RMND5A: variants seen among roughly 807,000 people sequenced by gnomAD.
The protein encoded by RMND5A is E3 ubiquitin-protein transferase RMND5A.
RMND5A carries 17 observed loss-of-function variants against 49.7 expected under a neutral mutation model. The observed-to-expected ratio is 0.34, with a 90% CI of 0.23 to 0.51. The LOEUF (loss-of-function observed/expected upper bound fraction) is 0.51. RMND5A is among the 20% of genes least tolerant of loss of function. RMND5A has a pLI of 0.96. For synonymous variants in RMND5A, 156 were observed against 167.7 expected (o/e 0.93, Z 0.54); for missense variants, 255 against 471.3 (o/e 0.54, Z 4.25).
intron 2 of RMND5A, among the ~76,000 whole-genome samples, chr2:86,743,316 A>G (rs940483694): frequency 2.0e-5 from 3 of 152,076 alleles, no homozygotes; most frequent in Non-Finnish European, 4.4e-5. Flanking sequence ...TGTTCATGGT[A>G]AAGATTCCTA....
chr2:86,753,095 G>T (rs1169747356), intron 3 of RMND5A, among the ~76,000 whole-genome samples: 1 of 152,174 alleles, frequency 6.6e-6, no homozygotes, highest in African/African-American at 2.4e-5. Flanking sequence ...TTAGCACCTT[G>T]TACCTCTGTT....
chr2:86,740,823 C>T (rs1681435522), intron 1 of RMND5A, 104 bp from the exon 2 acceptor site: 1 of 1,394,410 alleles, frequency 7.2e-7, no homozygotes, highest in Non-Finnish European at 9.4e-7. Flanking sequence ...ACTGGTTTTT[C>T]TTCACTTTTC....
rs1342151972 is a variant in RMND5A, at chr2:86,766,034, T to C, written c.854+10T>C. On this transcript the variant is annotated intron_variant, in intron 6 of 8. Coordinates refer to ENST00000283632, the MANE Select transcript of RMND5A (RefSeq NM_022780.4). ...CCCCTCTCAGTGTCAGGTATGGAAA[T>C]TAGCCCTGTCTGTTATTGAAGTATG... is the stretch of plus-strand genomic sequence containing the variant. 1.2e-6 allele frequency: 2 copies of C among 1,610,284 alleles called. No homozygotes were observed. Among genetic ancestry groups the C allele is most frequent in the East Asian group, 4.5e-5 (2 of 44,858 alleles).
Position 86,742,274 on chromosome 2 carries a change from A to G in RMND5A, c.285+1205A>G, listed in dbSNP as rs1053012640. 3.9e-4 allele frequency among the ~76,000 whole-genome samples: 59 copies of G among 151,070 alleles called. 1 individual carries two copies. Among genetic ancestry groups the G allele is most frequent in the African/African-American group, 1.4e-3 (56 of 41,012 alleles). On this transcript the variant is annotated intron_variant, in intron 2 of 8. Coordinates refer to ENST00000283632, the MANE Select transcript of RMND5A (RefSeq NM_022780.4). ...AGGGTTCCAGCCACGTTGTTATGTCAGTGATGGCAGTCACCAGCAAAGTCT... is the reference window on the plus strand; with the variant it reads ...AGGGTTCCAGCCACGTTGTTATGTCGGTGATGGCAGTCACCAGCAAAGTCT...
At chr2:86,755,707 C>T (rs1681722609) in intron 4 of RMND5A, among the ~76,000 whole-genome samples, 1 of 152,144 alleles carries the variant, frequency 6.6e-6, no homozygotes, top group South Asian at 2.1e-4. Flanking sequence ...TATTGATAAG[C>T]ATGTTATGTA....
intron 1 of RMND5A, among the ~76,000 whole-genome samples, chr2:86,724,141 A>G (rs1055613611): frequency 6.8e-6 from 1 of 146,738 alleles, no homozygotes; most frequent in African/African-American, 2.6e-5. Flanking sequence ...TGCAGCAGAG[A>G]ACAATAATGG....
At chr2:86,729,061 T>C (rs1558718563) in intron 1 of RMND5A, among the ~76,000 whole-genome samples, 1 of 152,200 alleles carries the variant, frequency 6.6e-6, no homozygotes, top group African/African-American at 2.4e-5. Flanking sequence ...GCCCAAGCAC[T>C]GTTTAATTGA....
At chr2:86,748,258 T>C (rs1353348407) in intron 2 of RMND5A, 1 of 152,216 alleles carries the variant, frequency 6.6e-6, no homozygotes, top group Non-Finnish European at 1.5e-5. Flanking sequence ...GACAGTGTAT[T>C]GCATTTCCTC....
At chr2:86,765,782 A>C in intron 5 of RMND5A, 77 bp from the exon 6 acceptor site, 2 of 1,266,096 alleles carry the variant, frequency 1.6e-6, no homozygotes, top group Non-Finnish European at 2.2e-6. Context: ...CTGTATCAGT[A>C]TGGGTGGGGG....
intron 4 of RMND5A, 70 bp from the exon 5 acceptor site, chr2:86,764,957 G>A: frequency 1.4e-6 from 2 of 1,463,778 alleles, no homozygotes; most frequent in South Asian, 1.4e-5. Flanking sequence ...GTTTTACTGG[G>A]TTTCAAATAG....
chr2:86,777,757 T>G lies in RMND5A; in HGVS notation c.*4346T>G, dbSNP rs2104417963. On this transcript the variant is annotated 3_prime_UTR_variant, in exon 9 of 9. Coordinates refer to ENST00000283632, the MANE Select transcript of RMND5A (RefSeq NM_022780.4). The stretch of plus-strand genomic sequence containing the variant: ...GCAAAGGCACAGTAAAGTTGCATCT[T>G]ATAGACTATAGGCAATAAAGCTAAC... 6.6e-6 allele frequency: 1 copy of G among 152,326 alleles called. No individual in the cohort carries two copies. The highest frequency in any genetic ancestry group is 6.5e-5 in the Admixed American group (1 of 15,310). 9.4% of individuals were successfully genotyped at this position (152,326 alleles called of 1,614,324 possible).
rs149459227 is a variant in RMND5A at position 86,752,814 on chromosome 2, G to A, written c.421-644G>A. 2.3e-3 allele frequency among the ~76,000 whole-genome samples: 357 copies of A among 152,286 alleles called. 1 individual carries two copies. The highest frequency in any genetic ancestry group is 8.2e-3 in the African/African-American group (341 of 41,564). On this transcript the variant is annotated intron_variant, in intron 3 of 8. Coordinates refer to ENST00000283632, the MANE Select transcript of RMND5A (RefSeq NM_022780.4). ...GAAAGAATTAGTTTAAAATCAGTCTGTAAACCAAACCTCTAATCTAAGCCT... is the reference window on the plus strand; with the variant it reads ...GAAAGAATTAGTTTAAAATCAGTCTATAAACCAAACCTCTAATCTAAGCCT...
chr2:86,772,548 C>G (rs1463643747), intron 8 of RMND5A, among the ~76,000 whole-genome samples: 44 of 151,216 alleles, frequency 2.9e-4, no homozygotes. Flanking sequence ...ACTGAAATTG[C>G]TGGTTCAAAG....
intron 4 of RMND5A, among the ~76,000 whole-genome samples, chr2:86,764,770 A>C (rs10169475): frequency 0.013 from 1,932 of 152,334 alleles, 48 homozygotes; most frequent in African/African-American, 0.044. Context: ...GTTCAGATGC[A>C]TCATGTGACA....
chr2:86,752,479 C>G (rs1405583503), intron 3 of RMND5A, among the ~76,000 whole-genome samples: 1 of 152,240 alleles, frequency 6.6e-6, no homozygotes, highest in African/African-American at 2.4e-5. Context: ...TCTTTTATTT[C>G]TATCACACAT....
intron 4 of RMND5A, 114 bp downstream of exon 4, chr2:86,753,672 C>A (rs1188043080): frequency 5.7e-6 from 3 of 522,602 alleles, no homozygotes; most frequent in South Asian, 3.9e-5. Context: ...TGGTAGACTT[C>A]AGAGAAATCA....
At chr2:86,766,118 CT>C in intron 6 of RMND5A, 94 bp downstream of exon 6, 1 of 1,149,038 alleles carries the variant, frequency 8.7e-7, no homozygotes, top group Non-Finnish European at 1.2e-6. Context: ...GCCAAAATAA[CT>C]TTTGTCTTTC....
Position 86,758,236 on chromosome 2 carries a change from G to T in RMND5A, c.521+4678G>T, listed in dbSNP as rs923179036. On this transcript the variant is annotated intron_variant, in intron 4 of 8. Coordinates refer to ENST00000283632, the MANE Select transcript of RMND5A (RefSeq NM_022780.4). Reference sequence around the variant, plus strand: ...CTAATCACAGTTACTCTCCAAACAGGCAGCCACCATTAACTGTATTATGTA... The same window carrying T: ...CTAATCACAGTTACTCTCCAAACAGTCAGCCACCATTAACTGTATTATGTA... Among the ~76,000 whole-genome samples, 62 of 152,246 alleles carry T rather than the reference G, an allele frequency of 4.1e-4. 1 individual carries two copies. The highest frequency in any genetic ancestry group is 1.4e-3 in the African/African-American group (59 of 41,546).
At chr2:86,753,687 A>G in intron 4 of RMND5A, 129 bp downstream of exon 4, 1 of 492,944 alleles carries the variant, frequency 2.0e-6, no homozygotes. Flanking sequence ...AAATCAAAGG[A>G]GAATTATTTT....
Sources: allele counts gnomAD v4.1 joint callset (sites outside exome capture counted in the v4.1 genomes callset), GRCh38; gene constraint gnomAD v4.1.1; transcripts MANE v1.5; gene names NCBI Gene and HGNC (gene_info 2026-07-23, HGNC 2026-07-21).